Variants in HDAC9 observed in about 807,000 individuals in gnomAD.
HDAC9 encodes the protein MEF-2 interacting transcription repressor (MITR) protein.
A neutral mutation model predicts 139.4 loss-of-function variants in HDAC9; 41 were observed. That is an observed-to-expected ratio of 0.29 (90% confidence interval 0.23 to 0.38). The LOEUF (loss-of-function observed/expected upper bound fraction) is 0.38, where lower values mean the gene tolerates loss of function less well. Among genes scored for constraint, HDAC9 ranks in the 10% least tolerant of loss-of-function variants. The pLI is 1.00. For synonymous variants in HDAC9, 517 were observed against 476.2 expected, an observed-to-expected ratio of 1.09 and a Z score of -1.12; for missense variants, 1,147 against 1,297.0, an observed-to-expected ratio of 0.88 and a Z score of 1.78.
intron 22 of HDAC9, among the ~76,000 whole-genome samples, chr7:18,893,192 C>CAG (rs1467176001): frequency 6.6e-6 from 1 of 152,012 alleles, no homozygotes; most frequent in Non-Finnish European, 1.5e-5. Flanking sequence ...TGTCAAAAAG[C>CAG]AGAGAGAAAG....
chr7:18,411,512 C>T (rs1788548238), intron 1 of HDAC9, among the ~76,000 whole-genome samples: 1 of 152,030 alleles, frequency 6.6e-6, no homozygotes, highest in African/African-American at 2.4e-5. Context: ...GTAGCTGGGG[C>T]TACAGGTGTA....
chr7:18,326,256 TAAAGTG>T (rs1200484933), intron 1 of HDAC9, among the ~76,000 whole-genome samples: 2 of 152,092 alleles, frequency 1.3e-5, no homozygotes, highest in Non-Finnish European at 2.9e-5. Flanking sequence ...GAACTTAACT[TAAAGTG>T]AAATTCCCTA....
At chr7:18,437,601 A>G (rs1285598907) in intron 1 of HDAC9, among the ~76,000 whole-genome samples, 1 of 150,462 alleles carries the variant, frequency 6.6e-6, no homozygotes, top group African/African-American at 2.4e-5. Flanking sequence ...AACTTTATAT[A>G]AAGTATGATA....
At chr7:18,218,305 A>G (rs1378578880) in intron 2 of HDAC9, among the ~76,000 whole-genome samples, 1 of 152,056 alleles carries the variant, frequency 6.6e-6, no homozygotes, top group Non-Finnish European at 1.5e-5. Flanking sequence ...TTAGCCAGGC[A>G]TGGTGGTACA....
At chr7:18,290,022 A>G (rs1271776496), upstream of HDAC9, 2 of 155,042 alleles carry the variant, frequency 1.3e-5, no homozygotes, top group African/African-American at 4.8e-5. Flanking sequence ...TTATCAACAA[A>G]TGAAACACCA....
chr7:18,793,140 A>T, intron 16 of HDAC9: 1 of 558,674 alleles, frequency 1.8e-6, no homozygotes. Flanking sequence ...AAGCAAAGCC[A>T]TGTCCAGAAG....
Position 18,906,029 on chromosome 7 carries a change from T to TTC in HDAC9, c.2804-29770_2804-29769dup, listed in dbSNP as rs527395966. 5.9e-5 allele frequency among the ~76,000 whole-genome samples: 9 copies of TTC among 151,744 alleles called. No individual in the cohort carries two copies. The East Asian group carries it at 1.7e-3, about 29-fold the overall frequency. On this transcript the variant is annotated intron_variant, in intron 22 of 25. Transcript: ENST00000686413. The stretch of plus-strand genomic sequence containing the variant: ...TATTTTTTCTTTCTTTTTGCTTTCT[T>TTC]TCTCTCTCTCTTTTCTATCCTTTCT...
intron 1 of HDAC9, among the ~76,000 whole-genome samples, chr7:18,154,474 C>T (rs1216956831): frequency 6.6e-6 from 1 of 152,188 alleles, no homozygotes. Context: ...AATAAAATTT[C>T]TGTAATGATA....
At chr7:18,959,983 A>C (rs1783416074) in intron 24 of HDAC9, among the ~76,000 whole-genome samples, 1 of 148,336 alleles carries the variant, frequency 6.7e-6, no homozygotes, top group South Asian at 2.1e-4. Context: ...AAAATTTGTG[A>C]GTATAGCTAA....
Position 18,725,288 on chromosome 7 carries a change from A to G in HDAC9, c.1732-2292A>G, listed in dbSNP as rs535617186. On this transcript the variant is annotated intron_variant, in intron 12 of 25. Coordinates refer to ENST00000686413, the MANE Select transcript of HDAC9 (RefSeq NM_178425.4). Reference sequence around the variant, plus strand: ...TTTAATACTATTTTTTGAAGTCCACAAAGGTAAAATTGCACAGGGCCCCTG... The same window carrying G: ...TTTAATACTATTTTTTGAAGTCCACGAAGGTAAAATTGCACAGGGCCCCTG... 6.6e-5 allele frequency among the ~76,000 whole-genome samples: 10 copies of G among 152,320 alleles called. No homozygotes were observed. The East Asian group carries it at 1.7e-3, about 26-fold the overall frequency.
At chr7:18,150,397 G>A (rs1326338948) in intron 1 of HDAC9, among the ~76,000 whole-genome samples, 1 of 152,168 alleles carries the variant, frequency 6.6e-6, no homozygotes, top group Admixed American at 6.5e-5. Flanking sequence ...GATGTCCAGA[G>A]AGACAGGGAA....
intron 1 of HDAC9, among the ~76,000 whole-genome samples, chr7:18,154,073 A>G (rs1786988974): frequency 6.6e-6 from 1 of 152,246 alleles, no homozygotes; most frequent in South Asian, 2.1e-4. Flanking sequence ...CTGTATAGAA[A>G]GATCTATACA....
chr7:18,596,222 C>T (rs1448706949), intron 6 of HDAC9, among the ~76,000 whole-genome samples: 1 of 152,056 alleles, frequency 6.6e-6, no homozygotes. Context: ...AGTTCTTGAA[C>T]AGCCATTAAT....
At chr7:18,328,843 C>G (rs984848323) in intron 1 of HDAC9, among the ~76,000 whole-genome samples, 2 of 151,782 alleles carry the variant, frequency 1.3e-5, no homozygotes, top group Non-Finnish European at 2.9e-5. Flanking sequence ...GAAGTATTTC[C>G]TCCTCTTCAA....
At chr7:18,273,163 A>T (rs1368027143) in intron 2 of HDAC9, among the ~76,000 whole-genome samples, 1 of 148,470 alleles carries the variant, frequency 6.7e-6, no homozygotes, top group Non-Finnish European at 1.5e-5. Flanking sequence ...CGTGGACTTA[A>T]GCTAGCCATC....
chr7:18,831,851 T>C (rs1285665082), intron 19 of HDAC9, among the ~76,000 whole-genome samples: 1 of 151,958 alleles, frequency 6.6e-6, no homozygotes, highest in East Asian at 1.9e-4. Flanking sequence ...TAATGTTAGC[T>C]GGGGGGTGTG....
intron 16 of HDAC9, among the ~76,000 whole-genome samples, chr7:18,780,423 G>C (rs1280009475): frequency 6.6e-6 from 1 of 152,028 alleles, no homozygotes; most frequent in Non-Finnish European, 1.5e-5. Flanking sequence ...GGAAAATAGT[G>C]AGTGGGGAAG....
At chr7:18,735,303 C>T (rs578028554) in intron 13 of HDAC9, among the ~76,000 whole-genome samples, 2 of 152,270 alleles carry the variant, frequency 1.3e-5, no homozygotes, top group Admixed American at 6.5e-5. Flanking sequence ...GTTATGAAGT[C>T]CTTGCCCATG....
chr7:18,233,462 A>G (rs1306322658), intron 2 of HDAC9, among the ~76,000 whole-genome samples: 1 of 137,492 alleles, frequency 7.3e-6, no homozygotes, highest in Non-Finnish European at 1.7e-5. Flanking sequence ...TTCATTCTTT[A>G]TACTTCAAAC....
Sources: allele counts gnomAD v4.1 joint callset (sites outside exome capture counted in the v4.1 genomes callset), GRCh38; gene constraint gnomAD v4.1.1; transcripts MANE v1.5; gene names NCBI Gene and HGNC (gene_info 2026-07-23, HGNC 2026-07-21).